EPB41L2: variants seen among roughly 807,000 people sequenced by gnomAD.
EPB41L2 encodes the protein erythrocyte membrane protein band 4.1 like 2, also known as band 4.1-like protein 2.
EPB41L2 carries 43 observed loss-of-function variants against 113.0 expected under a neutral mutation model. The observed-to-expected ratio is 0.38, with a 90% CI of 0.30 to 0.49. The LOEUF (loss-of-function observed/expected upper bound fraction) is 0.49, where lower values mean the gene tolerates loss of function less well. Among genes scored for constraint, EPB41L2 ranks in the 20% least tolerant of loss-of-function variants. The pLI is 0.95. For missense variants in EPB41L2, 1,147 were observed against 1,223.4 expected (o/e 0.94, Z 0.93); for synonymous variants, 442 against 436.7 (o/e 1.01, Z -0.15).
chr6:131,012,284 G>T (rs1227203637), intron 1 of EPB41L2, among the ~76,000 whole-genome samples: 1 of 151,146 alleles, frequency 6.6e-6, no homozygotes, highest in Non-Finnish European at 1.5e-5. Context: ...GCTTCTAACG[G>T]ATTAGATTTA....
chr6:130,861,015 C>G (rs927150126), intron 18 of EPB41L2, among the ~76,000 whole-genome samples: 15 of 152,242 alleles, frequency 9.9e-5, no homozygotes, highest in African/African-American at 3.1e-4. Context: ...AAAAAGATTT[C>G]TTGTTTTCTG....
intron 1 of EPB41L2, among the ~76,000 whole-genome samples, chr6:131,056,503 G>A (rs1367562108): frequency 6.6e-6 from 1 of 152,174 alleles, no homozygotes; most frequent in African/African-American, 2.4e-5. Flanking sequence ...TTAAAAAGTG[G>A]TTTTAACTTG....
At chr6:130,883,566 A>G (rs1236554178) in intron 12 of EPB41L2, among the ~76,000 whole-genome samples, 2 of 152,232 alleles carry the variant, frequency 1.3e-5, no homozygotes, top group Non-Finnish European at 2.9e-5. Context: ...AATTTAAAAG[A>G]ACTTTTTCAT....
At chr6:130,956,774 A>G (rs1562587323) in intron 1 of EPB41L2, among the ~76,000 whole-genome samples, 1 of 152,186 alleles carries the variant, frequency 6.6e-6, no homozygotes, top group Admixed American at 6.5e-5. Context: ...ATCATCAAGA[A>G]CTCAAGAAAC....
At chr6:130,878,698 AC>A (rs1788332746) in intron 13 of EPB41L2, 1 of 154,036 alleles carries the variant, frequency 6.5e-6, no homozygotes, top group African/African-American at 2.4e-5. Context: ...GAAATCAAGT[AC>A]AAAATAGAGG....
chr6:130,876,093 C>G (rs1787477923), intron 14 of EPB41L2, among the ~76,000 whole-genome samples: 1 of 152,034 alleles, frequency 6.6e-6, no homozygotes. Flanking sequence ...AACAGACTGA[C>G]CACCTGGCTA....
At chr6:130,847,889 C>G (rs1051888974) in intron 19 of EPB41L2, among the ~76,000 whole-genome samples, 1 of 152,144 alleles carries the variant, frequency 6.6e-6, no homozygotes, top group African/African-American at 2.4e-5. Context: ...TATGGTCAGG[C>G]TCCACTCAGT....
chr6:131,041,829 T>C (rs1392610009), intron 1 of EPB41L2, among the ~76,000 whole-genome samples: 1 of 152,210 alleles, frequency 6.6e-6, no homozygotes, highest in Non-Finnish European at 1.5e-5. Context: ...AATATAGATC[T>C]TATCTGGATT....
intron 18 of EPB41L2, 72 bp from the exon 19 acceptor site, chr6:130,858,315 C>T: frequency 8.4e-7 from 1 of 1,193,440 alleles, no homozygotes; most frequent in Non-Finnish European, 1.2e-6. Flanking sequence ...AAAACACACA[C>T]ACACTGATCA....
intron 1 of EPB41L2, among the ~76,000 whole-genome samples, chr6:130,972,780 C>T (rs1370356050): frequency 1.3e-5 from 2 of 151,950 alleles, no homozygotes; most frequent in Non-Finnish European, 2.9e-5. Context: ...GTCACCAGTA[C>T]CAACTAGCAG....
chr6:130,984,628 A>G (rs1300368049), intron 1 of EPB41L2, among the ~76,000 whole-genome samples: 2 of 152,216 alleles, frequency 1.3e-5, no homozygotes, highest in Non-Finnish European at 2.9e-5. Flanking sequence ...CCAAATGAAA[A>G]GCTTTCTCTA....
intron 1 of EPB41L2, among the ~76,000 whole-genome samples, chr6:131,032,082 TC>T (rs1792274292): frequency 6.6e-6 from 1 of 152,134 alleles, no homozygotes; most frequent in African/African-American, 2.4e-5. Flanking sequence ...TCAGATAAGC[TC>T]ATAAACCAAG....
chr6:131,043,725 C>T (rs1794883385), intron 1 of EPB41L2, among the ~76,000 whole-genome samples: 1 of 152,176 alleles, frequency 6.6e-6, no homozygotes, highest in Non-Finnish European at 1.5e-5. Flanking sequence ...AATCTGAACA[C>T]AGTGAATATG....
At chr6:130,902,090 T>A (rs1796450583) in intron 6 of EPB41L2, among the ~76,000 whole-genome samples, 1 of 152,244 alleles carries the variant, frequency 6.6e-6, no homozygotes, top group African/African-American at 2.4e-5. Flanking sequence ...TGATTTCTAC[T>A]CTTTAACTTC....
intron 7 of EPB41L2, 151 bp from the exon 8 acceptor site, chr6:130,899,729 C>T: frequency 3.1e-6 from 2 of 655,432 alleles, no homozygotes; most frequent in Admixed American, 5.3e-5. Flanking sequence ...GAAAACAACT[C>T]TCAACCTCTA....
At position 130,956,248 on chromosome 6, in the gene EPB41L2, G is replaced by A; in HGVS notation, c.238C>T (p.Pro80Ser). The A allele has an allele frequency of 6.2e-7, 1 of 1,614,110 alleles. No homozygotes were observed. Among genetic ancestry groups the A allele is most frequent in the Non-Finnish European group, 8.5e-7 (1 of 1,180,030 alleles). Residue 80 changes from proline (P) to serine (S), a missense_variant, in exon 2 of 20, where the codon CCA becomes TCA. Coordinates refer to ENST00000337057, the MANE Select transcript of EPB41L2 (RefSeq NM_001431.4). The part of the protein sequence containing the change: ...ESRGISRFIP[P>S]WLKKQKSYTL... ...TATGACTTTTGCTTCTTAAGCCATG[G>A]CGGTATGAACCGAGAAATACCCCTG...
intron 1 of EPB41L2, among the ~76,000 whole-genome samples, chr6:130,987,576 C>T (rs1780860372): frequency 1.3e-5 from 2 of 152,012 alleles, no homozygotes; most frequent in African/African-American, 4.8e-5. Flanking sequence ...ACCTGTAGTC[C>T]CAGCTACTCC....
intron 1 of EPB41L2, among the ~76,000 whole-genome samples, chr6:130,991,266 CA>C (rs1180114519): frequency 6.6e-6 from 1 of 152,172 alleles, no homozygotes; most frequent in African/African-American, 2.4e-5. Context: ...TGTACCCCCA[CA>C]GCTATGTCCT....
chr6:131,023,743 ATATC>A (rs1254137849), intron 1 of EPB41L2, among the ~76,000 whole-genome samples: 3 of 100,704 alleles, frequency 3.0e-5, no homozygotes, highest in South Asian at 3.6e-4. Flanking sequence ...ATATATCTAT[ATATC>A]TATATATAGA....
Sources: gnomAD v4.1 joint callset for allele counts (sites outside exome capture counted in the v4.1 genomes callset) on GRCh38, gnomAD v4.1.1 for gene constraint, MANE v1.5 for transcripts, NCBI Gene and HGNC (gene_info 2026-07-23, HGNC 2026-07-21) for gene names.